The following ANKFN1 variants were observed in gnomAD, a reference collection of about 807,000 sequenced individuals.
The protein encoded by ANKFN1 is ankyrin repeat and fibronectin type III domain containing 1.
A neutral mutation model predicts 108.7 loss-of-function variants in ANKFN1; 74 were observed. That is an observed-to-expected ratio of 0.68 (90% CI 0.56 to 0.83). The LOEUF (loss-of-function observed/expected upper bound fraction) is 0.83. Among genes scored for constraint, ANKFN1 ranks in the 40% least tolerant of loss-of-function variants. The pLI is 0.00. For synonymous variants in ANKFN1, 547 were observed against 516.2 expected (o/e 1.06, Z -0.81); for missense variants, 1,505 against 1,382.3 (o/e 1.09, Z -1.41).
At chr17:56,081,257 G>A (rs1944829782) in intron 4 of ANKFN1, among the ~76,000 whole-genome samples, 1 of 152,210 alleles carries the variant, frequency 6.6e-6, no homozygotes, top group South Asian at 2.1e-4. Context: ...AGGAAGGAAA[G>A]TACACTTGGA....
In ANKFN1 at chr17:56,126,487, CAT is replaced by C. The variant is rs566565181; in HGVS notation, c.288+80165_288+80166del. On this transcript the variant is annotated intron_variant, in intron 4 of 12. Coordinates refer to the ANKFN1 transcript ENST00000635860. ...TATTGCTACATTCCTTGGATGGCTC[CAT>C]ATGTTTACCTTTTGCTGACTTTAGA... Among the ~76,000 whole-genome samples, 290 of 152,238 alleles carry C rather than the reference CAT, an allele frequency of 1.9e-3. 1 individual carries two copies. Among genetic ancestry groups the C allele is most frequent in the African/African-American group, 6.6e-3 (274 of 41,552 alleles).
At chr17:56,230,579 T>C (rs1916659761) in intron 3 of ANKFN1, among the ~76,000 whole-genome samples, 1 of 152,076 alleles carries the variant, frequency 6.6e-6, no homozygotes, top group Non-Finnish European at 1.5e-5. Context: ...AATAGAACAC[T>C]ACTGGGCCAG....
At chr17:56,510,411 G>A in intron 20 of ANKFN1, 62 bp from the exon 21 acceptor site, 1 of 1,390,866 alleles carries the variant, frequency 7.2e-7, no homozygotes, top group South Asian at 1.4e-5. Flanking sequence ...CTGTTCCTAT[G>A]CCTGTGAAGC....
chr17:56,052,714 T>C (rs1904799428), intron 4 of ANKFN1, among the ~76,000 whole-genome samples: 1 of 152,114 alleles, frequency 6.6e-6, no homozygotes, highest in African/African-American at 2.4e-5. Context: ...TCTAGCTACA[T>C]TGTTTCATGT....
intron 1 of ANKFN1, among the ~76,000 whole-genome samples, chr17:56,211,926 C>G (rs551369648): frequency 3.3e-5 from 5 of 152,228 alleles, no homozygotes; most frequent in African/African-American, 1.2e-4. Context: ...TATAGCAGAA[C>G]TACTGATATG....
intron 1 of ANKFN1, among the ~76,000 whole-genome samples, chr17:56,179,261 A>G (rs1261283850): frequency 1.3e-5 from 2 of 152,214 alleles, no homozygotes; most frequent in Non-Finnish European, 2.9e-5. Flanking sequence ...GACAAAGTAG[A>G]GAGACTCCCT....
At chr17:56,446,371 C>T (rs552370172) in intron 10 of ANKFN1, among the ~76,000 whole-genome samples, 7 of 152,320 alleles carry the variant, frequency 4.6e-5, no homozygotes, top group Non-Finnish European at 1.0e-4. Context: ...AGAGAATAAA[C>T]TCCTAATGGC....
intron 3 of ANKFN1, among the ~76,000 whole-genome samples, chr17:56,297,080 G>T (rs1385204576): frequency 6.6e-6 from 1 of 152,194 alleles, no homozygotes; most frequent in Non-Finnish European, 1.5e-5. Context: ...GAATGAGAAA[G>T]AGAGTCACTG....
chr17:56,283,538 T>TATATATATATATATATATA (rs1263196279), intron 3 of ANKFN1, among the ~76,000 whole-genome samples: 5 of 150,146 alleles, frequency 3.3e-5, no homozygotes, highest in African/African-American at 1.0e-4. Flanking sequence ...TATATATATA[T>TATATATATATATATATATA]GATGGAATAC....
chr17:56,087,392 A>C (rs1438222427), intron 4 of ANKFN1, among the ~76,000 whole-genome samples: 1 of 151,298 alleles, frequency 6.6e-6, no homozygotes, highest in Non-Finnish European at 1.5e-5. Flanking sequence ...TGTGGAACCC[A>C]CTATGTCCTT....
rs374407239 is a variant in ANKFN1, at chr17:56,449,055, A to G, written c.1100-24A>G. 1.2e-5 allele frequency: 19 copies of G among 1,600,032 alleles called. No homozygotes were observed. In the African/African-American group the frequency reaches 1.9e-4, roughly 16 times the overall value. ...GCCTCCCCTGTTTTAAAATTTCACT[A>G]TGTTTATTTCTTTTGTTCAATAGAC... On this transcript the variant is annotated intron_variant, in intron 10 of 20. Transcript: ENST00000682825.
At chr17:56,366,995 AG>A (rs1412537352) in intron 6 of ANKFN1, among the ~76,000 whole-genome samples, 1 of 152,212 alleles carries the variant, frequency 6.6e-6, no homozygotes, top group Non-Finnish European at 1.5e-5. Flanking sequence ...AGGGTACTAA[AG>A]GGGAGGTAAC....
intron 4 of ANKFN1, among the ~76,000 whole-genome samples, chr17:56,099,061 T>C (rs1905590403): frequency 6.6e-6 from 1 of 152,188 alleles, no homozygotes; most frequent in Non-Finnish European, 1.5e-5. Context: ...GGAGCTGTAA[T>C]GGAGGGATAG....
At chr17:56,100,396 TTG>T (rs1905621618) in intron 4 of ANKFN1, among the ~76,000 whole-genome samples, 1 of 152,240 alleles carries the variant, frequency 6.6e-6, no homozygotes, top group South Asian at 2.1e-4. Context: ...TGGATCCCTG[TTG>T]TGTTTGGAGA....
chr17:56,360,480 T>C (rs2046487586), intron 6 of ANKFN1, among the ~76,000 whole-genome samples: 1 of 152,200 alleles, frequency 6.6e-6, no homozygotes, highest in Non-Finnish European at 1.5e-5. Context: ...CTGACAATTT[T>C]TCTCAATGTT....
intron 1 of ANKFN1, among the ~76,000 whole-genome samples, chr17:56,198,622 AC>A (rs779220667): frequency 1.1e-4 from 17 of 151,708 alleles, no homozygotes; most frequent in Non-Finnish European, 2.5e-4. Context: ...TCCACATTTC[AC>A]TCTTTAGTGT....
chr17:56,239,484 T>C (rs1335261104), intron 3 of ANKFN1, among the ~76,000 whole-genome samples: 1 of 152,164 alleles, frequency 6.6e-6, no homozygotes, highest in Non-Finnish European at 1.5e-5. Flanking sequence ...TATCAAAATA[T>C]CACTTTCACT....
At position 56,215,458 on chromosome 17, in the gene ANKFN1, A is replaced by G. The variant is rs545073799; in HGVS notation, c.12+2779A>G. Among the ~76,000 whole-genome samples, 3 of 152,352 alleles carry G rather than the reference A, an allele frequency of 2.0e-5. No homozygotes were observed. The East Asian group carries it at 5.8e-4, about 29-fold the overall frequency. ...GCTGAGACAGAGGTGAGTTTTCTCAACTTAGAATAGGGGTCCAGAAAACAC... is the reference window on the plus strand; with the variant it reads ...GCTGAGACAGAGGTGAGTTTTCTCAGCTTAGAATAGGGGTCCAGAAAACAC... On this transcript the variant is annotated intron_variant, in intron 2 of 20. Coordinates refer to ENST00000682825, the MANE Select transcript of ANKFN1 (RefSeq NM_001370326.1).
At chr17:56,335,491 G>A (rs150736512) in intron 4 of ANKFN1, among the ~76,000 whole-genome samples, 295 of 152,198 alleles carry the variant, frequency 1.9e-3, no homozygotes, top group African/African-American at 5.0e-3. Context: ...ATTGAGAATG[G>A]GAGTTCACTC....
Sources: gnomAD v4.1 joint callset for allele counts (sites outside exome capture counted in the v4.1 genomes callset) on GRCh38, gnomAD v4.1.1 for gene constraint, MANE v1.5 for transcripts, NCBI Gene and HGNC (gene_info 2026-07-23, HGNC 2026-07-21) for gene names.